Variants in IK observed in about 807,000 individuals in gnomAD.
IK encodes the protein protein Red.
IK carries 47 observed loss-of-function variants against 90.9 expected under a neutral mutation model. The observed-to-expected ratio is 0.52, with a 90% confidence interval of 0.41 to 0.66. The LOEUF (loss-of-function observed/expected upper bound fraction) is 0.66, where lower values mean the gene tolerates loss of function less well. Among genes scored for constraint, IK ranks in the 30% least tolerant of loss-of-function variants. The pLI is 0.00. For missense variants in IK, 385 were observed against 709.3 expected, an observed-to-expected ratio of 0.54 and a Z score of 5.19; for synonymous variants, 201 against 227.5, an observed-to-expected ratio of 0.88 and a Z score of 1.05.
At chr5:140,657,758 A>G (rs1757735314) in intron 10 of IK, 96 bp downstream of exon 10, 14 of 764,202 alleles carry the variant, frequency 1.8e-5, no homozygotes, top group Non-Finnish European at 2.9e-5. Context: ...GAATATTGAG[A>G]GGCTCCTGGG....
chr5:140,656,321 T>G (rs1451768679), intron 9 of IK, among the ~76,000 whole-genome samples: 1 of 152,218 alleles, frequency 6.6e-6, no homozygotes, highest in African/African-American at 2.4e-5. Context: ...GCCTTCCAAG[T>G]AGCTGGGACT....
chr5:140,651,704 T>C lies in IK; in HGVS notation c.84-10T>C. On this transcript the variant is annotated splice_polypyrimidine_tract_variant and intron_variant, in intron 2 of 19. Transcript: ENST00000417647. ...GTCCTAATATTTAAAATCTTTGCCT[T>C]TTCTTCTAGATCAAAACTCACCAAT... The C allele has an allele frequency of 1.3e-6, 2 of 1,542,178 alleles. No individual in the cohort carries two copies. Among genetic ancestry groups the C allele is most frequent in the Non-Finnish European group, 1.8e-6 (2 of 1,120,736 alleles).
intron 5 of IK, 126 bp downstream of exon 5, chr5:140,653,270 C>A: frequency 1.4e-6 from 1 of 719,768 alleles, no homozygotes; most frequent in South Asian, 2.2e-5. Flanking sequence ...GCATTTGCCA[C>A]CCACAAAGGG....
intron 2 of IK, among the ~76,000 whole-genome samples, chr5:140,650,965 A>G (rs1435278260): frequency 3.3e-5 from 5 of 152,216 alleles, no homozygotes; most frequent in Non-Finnish European, 5.9e-5. Flanking sequence ...GCTAAATATA[A>G]ATAAATGGAG....
chr5:140,650,901 T>C (rs957072653), intron 2 of IK, among the ~76,000 whole-genome samples: 3 of 152,214 alleles, frequency 2.0e-5, no homozygotes, highest in Admixed American at 6.5e-5. Flanking sequence ...TTCAAGGCTA[T>C]AACTGAATTA....
Position 140,661,796 on chromosome 5 carries a change from G to A in IK, c.1502+88G>A, listed in dbSNP as rs58296082. ...CATATAAGGTTAGAGGGTGTGGTCT[G>A]GCTGAGATGTTCCCCACTAAGTTCT... is the stretch of plus-strand genomic sequence containing the variant. On this transcript the variant is annotated intron_variant, in intron 17 of 19. Transcript: ENST00000417647. The surrounding 1 kb of genome is among the most constrained non-coding windows in gnomAD (Gnocchi z 4.2). The A allele has an allele frequency of 3.1e-3, 4,360 of 1,404,254 alleles. 127 individuals are homozygous for A. In the African/African-American group the frequency reaches 0.056, roughly 18 times the overall value. The allele number at this position is 1,404,254 out of a possible 1,614,324, so 87.0% of individuals were successfully genotyped here. A position where few individuals can be genotyped will look rare whatever the true frequency, so the allele number is the denominator to read the frequency against.
chr5:140,660,841 G>A (rs375646883), intron 16 of IK, 26 bp downstream of exon 16: 463 of 1,583,268 alleles, frequency 2.9e-4, no homozygotes, highest in Admixed American at 7.2e-4. Flanking sequence ...GATGGTGGGC[G>A]CCTTTGGGCA....
intron 9 of IK, 148 bp from the exon 10 acceptor site, chr5:140,657,406 A>G (rs1463346051): frequency 3.5e-6 from 2 of 567,354 alleles, no homozygotes; most frequent in Non-Finnish European, 3.2e-6. Flanking sequence ...AGGCTGTTTT[A>G]TCTCTGGAAT....
chr5:140,649,323 C>T (rs1340606031), intron 2 of IK, among the ~76,000 whole-genome samples: 1 of 151,700 alleles, frequency 6.6e-6, no homozygotes, highest in Non-Finnish European at 1.5e-5. Context: ...GTTCTCCTGC[C>T]TCAGCCTCCC....
At position 140,658,919 on chromosome 5, in the gene IK, A is replaced by C. The variant is rs374413886; in HGVS notation, c.951-20A>C. On this transcript the variant is annotated intron_variant, in intron 11 of 19. Transcript: ENST00000417647. Reference sequence around the variant, plus strand: ...GGTGTATGTGTGAATTTGGCCAGCTAGTGATCTCCATTTTCCCAGTATTTT... The same window carrying C: ...GGTGTATGTGTGAATTTGGCCAGCTCGTGATCTCCATTTTCCCAGTATTTT... 5 of 1,613,374 alleles carry C rather than the reference A, an allele frequency of 3.1e-6. No individual in the cohort carries two copies. In the African/African-American group the frequency reaches 6.7e-5, roughly 22 times the overall value.
At chr5:140,653,276 A>C in intron 5 of IK, 132 bp downstream of exon 5, 1 of 668,184 alleles carries the variant, frequency 1.5e-6, no homozygotes, top group East Asian at 2.9e-5. Flanking sequence ...GCCACCCACA[A>C]AGGGCTGTTC....
Position 140,654,595 on chromosome 5 carries a change from ATAT to A in IK, c.590+13_590+15del. ...CCCCAGAAAGAAACCAAGTAAGTAA[ATAT>A]TATGGAAAGGTTGAGAATTTAGAAA... is the stretch of plus-strand genomic sequence containing the variant. On this transcript the variant is annotated intron_variant, in intron 7 of 19. Transcript: ENST00000417647. 1 of 1,586,950 alleles carries A rather than the reference ATAT, an allele frequency of 6.3e-7. No homozygotes were observed. The highest frequency in any genetic ancestry group is 8.6e-7 in the Non-Finnish European group (1 of 1,165,152).
At position 140,662,433 on chromosome 5, in the gene IK, A is replaced by T; in HGVS notation, c.*104A>T. On this transcript the variant is annotated 3_prime_UTR_variant, in exon 20 of 20. Coordinates refer to ENST00000417647, the MANE Select transcript of IK (RefSeq NM_006083.4). ...ATGTTTTTTTGTGGATGAATATAAA[A>T]TTTTATTGTGTAATTACTTGGTTCC... The T allele has an allele frequency of 3.2e-6, 4 of 1,255,838 alleles. No individual in the cohort carries two copies. Among genetic ancestry groups the T allele is most frequent in the Non-Finnish European group, 4.6e-6 (4 of 863,364 alleles). 77.8% of individuals were successfully genotyped at this position (1,255,838 alleles called of 1,614,324 possible). A position where few individuals can be genotyped will look rare whatever the true frequency, so the allele number is the denominator to read the frequency against.
intron 5 of IK, 60 bp from the exon 6 acceptor site, chr5:140,653,878 C>T (rs1315958691): frequency 3.9e-6 from 4 of 1,038,586 alleles, no homozygotes; most frequent in South Asian, 1.3e-5. Context: ...ACTGGGATTA[C>T]AGGCGTGATC....
intron 4 of IK, 84 bp from the exon 5 acceptor site, chr5:140,652,893 T>C: frequency 1.6e-6 from 2 of 1,281,488 alleles, no homozygotes; most frequent in Non-Finnish European, 2.2e-6. Flanking sequence ...AGGTTGGAGA[T>C]GTAGGGAAGC....
chr5:140,662,119 T>C, intron 18 of IK, 60 bp from the exon 19 acceptor site: 1 of 1,607,128 alleles, frequency 6.2e-7, no homozygotes, highest in Non-Finnish European at 8.5e-7. Flanking sequence ...AGGTCAGCCT[T>C]GGGCCTCAGG....
At chr5:140,657,519 A>T in intron 9 of IK, 35 bp from the exon 10 acceptor site, 1 of 1,361,722 alleles carries the variant, frequency 7.3e-7, no homozygotes, top group Non-Finnish European at 1.0e-6. Flanking sequence ...ATTTCTGCTG[A>T]GTGGTTTAAC....
intron 5 of IK, among the ~76,000 whole-genome samples, 173 bp downstream of exon 5, chr5:140,653,317 C>T (rs1327556188): frequency 4.8e-5 from 7 of 147,366 alleles, no homozygotes; most frequent in African/African-American, 7.5e-5. Context: ...GATGGAGTCT[C>T]GCTCTGTCAC....
chr5:140,657,811 A>C (rs1757735831), intron 10 of IK, 149 bp downstream of exon 10: 1 of 596,542 alleles, frequency 1.7e-6, no homozygotes, highest in South Asian at 2.1e-5. Flanking sequence ...GCAAGGAGAC[A>C]GTTACAGCCA....
Sources: allele counts gnomAD v4.1 joint callset (sites outside exome capture counted in the v4.1 genomes callset), GRCh38; gene constraint gnomAD v4.1.1; non-coding constraint Gnocchi (gnomAD v3.1); transcripts MANE v1.5; gene names NCBI Gene and HGNC (gene_info 2026-07-23, HGNC 2026-07-21).